PRKAG2: variants seen among roughly 807,000 people sequenced by gnomAD.
The protein encoded by PRKAG2 is 5'-AMP-activated protein kinase subunit gamma-2.
PRKAG2 carries 26 observed loss-of-function variants against 69.6 expected under a neutral mutation model. The ratio of observed to expected loss-of-function variants is 0.37; its 90% CI spans 0.27 to 0.52. The LOEUF (loss-of-function observed/expected upper bound fraction) is 0.52. PRKAG2 is among the 20% of genes least tolerant of loss of function. PRKAG2 has a pLI of 0.90. For synonymous variants in PRKAG2, 293 were observed against 285.0 expected (o/e 1.03, Z -0.28); for missense variants, 557 against 740.0 (o/e 0.75, Z 2.87).
At chr7:151,676,585 T>C (rs1428291963) in intron 3 of PRKAG2, among the ~76,000 whole-genome samples, 1 of 152,210 alleles carries the variant, frequency 6.6e-6, no homozygotes, top group Non-Finnish European at 1.5e-5. Context: ...ATTTCTTCCA[T>C]AGACTTATTT....
intron 6 of PRKAG2, among the ~76,000 whole-genome samples, chr7:151,593,740 T>C (rs1409709405): frequency 6.6e-6 from 1 of 152,202 alleles, no homozygotes; most frequent in African/African-American, 2.4e-5. Flanking sequence ...GGATGCTTCC[T>C]TCTTTGTGTC....
intron 6 of PRKAG2, among the ~76,000 whole-genome samples, chr7:151,581,787 A>T (rs1490449008): frequency 6.6e-6 from 1 of 152,116 alleles, no homozygotes; most frequent in African/African-American, 2.4e-5. Flanking sequence ...TAAGTTTAAC[A>T]CTCAAATATG....
At chr7:151,847,786 TAG>T (rs972208796) in intron 1 of PRKAG2, among the ~76,000 whole-genome samples, 1 of 152,166 alleles carries the variant, frequency 6.6e-6, no homozygotes, top group Non-Finnish European at 1.5e-5. Context: ...GTTTCAGGTG[TAG>T]AGAAAAGGAG....
intron 1 of PRKAG2, among the ~76,000 whole-genome samples, chr7:151,869,248 T>C (rs1391744339): frequency 6.6e-6 from 1 of 152,174 alleles, no homozygotes; most frequent in African/African-American, 2.4e-5. Flanking sequence ...AGCTGGGAAA[T>C]CATGATCCAG....
At chr7:151,697,789 G>A (rs1836944944) in intron 3 of PRKAG2, among the ~76,000 whole-genome samples, 1 of 152,066 alleles carries the variant, frequency 6.6e-6, no homozygotes, top group Non-Finnish European at 1.5e-5. Flanking sequence ...CACAGAAATC[G>A]AGCCTCTCTC....
intron 1 of PRKAG2, among the ~76,000 whole-genome samples, chr7:151,787,638 A>G (rs2077080167): frequency 6.6e-6 from 1 of 152,110 alleles, no homozygotes; most frequent in Admixed American, 6.5e-5. Flanking sequence ...CCTTCTGACT[A>G]TTGTGAATAA....
rs876661382 is a variant in PRKAG2 at position 151,675,493 on chromosome 7, A to T, written c.611T>A (p.Phe204Tyr). ...CGGGCTCTGGAAGGAAGACGGGCAG[A>T]ACCTCTGCCCTGTGTCCGGGGGGGA... ...SSSPPDTGQR[F>Y]CPSSFQSPTR... The change falls in exon 4 of 16, where the codon TTC (phenylalanine) becomes TAC (tyrosine). Residue 204 changes from phenylalanine to tyrosine, a missense_variant. This residue lies in a region of PRKAG2 where 352 missense variants were observed against 356.7 expected (regional missense o/e 0.99). Transcript: ENST00000287878. 2 of 1,614,190 alleles carry T rather than the reference A, an allele frequency of 1.2e-6. No individual in the cohort carries two copies. Among genetic ancestry groups the T allele is most frequent in the Non-Finnish European group, 1.7e-6 (2 of 1,180,022 alleles).
intron 1 of PRKAG2, among the ~76,000 whole-genome samples, chr7:151,844,320 T>A (rs555166828): frequency 3.3e-5 from 5 of 152,064 alleles, no homozygotes; most frequent in Non-Finnish European, 5.9e-5. Flanking sequence ...TAACACCTCG[T>A]CTCTAGCTCT....
At position 151,783,091 on chromosome 7, in the gene PRKAG2, T is replaced by C. The variant is rs186080705; in HGVS notation, c.187-1660A>G. ...TCCGGACCGCGGCCTGGGGACGTTC[T>C]TCCGCCACTAGAGGGCGGCCCAAGC... On this transcript the variant is annotated intron_variant, in intron 2 of 15. Transcript: ENST00000287878. Among the ~76,000 whole-genome samples the C allele has an allele frequency of 2.9e-3, 443 of 152,306 alleles. 3 individuals carry two copies. Among genetic ancestry groups the C allele is most frequent in the African/African-American group, 0.01 (422 of 41,568 alleles).
intron 1 of PRKAG2, among the ~76,000 whole-genome samples, chr7:151,869,236 C>T (rs1212780083): frequency 6.6e-6 from 1 of 152,168 alleles, no homozygotes; most frequent in Non-Finnish European, 1.5e-5. Flanking sequence ...ATTCAGTACT[C>T]GAGCTGGGAA....
intron 15 of PRKAG2, chr7:151,558,390 G>C: frequency 2.0e-6 from 2 of 985,416 alleles, no homozygotes; most frequent in Non-Finnish European, 2.4e-6. Context: ...CACACACATG[G>C]CTTTTGTGCA....
intron 5 of PRKAG2, among the ~76,000 whole-genome samples, chr7:151,605,431 A>C (rs1303563009): frequency 2.6e-5 from 4 of 151,830 alleles, no homozygotes; most frequent in Admixed American, 1.3e-4. Context: ...TCTTTAAAAA[A>C]TTTTTTTAAA....
intron 3 of PRKAG2, among the ~76,000 whole-genome samples, chr7:151,722,634 T>TC (rs935849101): frequency 2.0e-5 from 3 of 152,020 alleles, no homozygotes; most frequent in African/African-American, 7.3e-5. Flanking sequence ...GCCATGAGAC[T>TC]CCCGTGGGGA....
chr7:151,786,848 A>G (rs1586532464), intron 1 of PRKAG2, among the ~76,000 whole-genome samples: 1 of 152,324 alleles, frequency 6.6e-6, no homozygotes. Flanking sequence ...GGGTGGAGGG[A>G]GGAGAGCCCG....
At chr7:151,588,791 G>T (rs565813727) in intron 6 of PRKAG2, among the ~76,000 whole-genome samples, 1 of 152,280 alleles carries the variant, frequency 6.6e-6, no homozygotes, top group South Asian at 2.1e-4. Flanking sequence ...GTGGAACTGT[G>T]AGTCCATTAA....
chr7:151,859,200 G>T (rs6967007), intron 1 of PRKAG2, among the ~76,000 whole-genome samples: 59,603 of 152,202 alleles, frequency 0.39, 12,858 homozygotes, highest in South Asian at 0.55. Context: ...CCAGGGAATG[G>T]GCTTCGAGGG....
intron 1 of PRKAG2, among the ~76,000 whole-genome samples, chr7:151,832,235 A>AGGAGGAGGGAAGGAAG (rs71198734): frequency 3.2e-4 from 34 of 105,936 alleles, no homozygotes; most frequent in African/African-American, 9.8e-4. Flanking sequence ...AGGGAAGGAG[A>AGGAGGAGGGAAGGAAG]GGAGGAGGGA....
intron 1 of PRKAG2, among the ~76,000 whole-genome samples, chr7:151,869,994 T>C (rs1016043390): frequency 2.6e-5 from 4 of 152,266 alleles, no homozygotes; most frequent in Non-Finnish European, 4.4e-5. Flanking sequence ...CAGGCAGCTC[T>C]GGCTACAGGC....
At chr7:151,573,608 T>C (rs1483754647) in intron 8 of PRKAG2, among the ~76,000 whole-genome samples, 3 of 152,168 alleles carry the variant, frequency 2.0e-5, no homozygotes, top group Admixed American at 6.5e-5. Flanking sequence ...CAGAAATCTA[T>C]CTATTCAAAA....
Sources: allele counts gnomAD v4.1 joint callset (sites outside exome capture counted in the v4.1 genomes callset), GRCh38; gene constraint gnomAD v4.1.1; regional missense constraint gnomAD v4.1.1; transcripts MANE v1.5; gene names NCBI Gene and HGNC (gene_info 2026-07-23, HGNC 2026-07-21).